Variants in ASB5 observed in about 807,000 individuals in gnomAD.
ASB5 encodes the protein ankyrin repeat and SOCS box containing 5.
In ASB5, 45 loss-of-function variants were observed where a neutral mutation model predicts 42.1. That is an observed-to-expected ratio of 1.07 (90% CI 0.84 to 1.37). The LOEUF (loss-of-function observed/expected upper bound fraction) is 1.37. Among genes scored for constraint, ASB5 ranks in the 40% most tolerant of loss-of-function variants. The pLI is 0.00. For synonymous variants in ASB5, 147 were observed against 150.6 expected, an observed-to-expected ratio of 0.98 and a Z score of 0.18; for missense variants, 402 against 399.8, an observed-to-expected ratio of 1.01 and a Z score of -0.05.
upstream of ASB5, among the ~76,000 whole-genome samples, chr4:176,272,578 T>C (rs1412418246): frequency 1.3e-5 from 2 of 152,154 alleles, no homozygotes; most frequent in Admixed American, 1.3e-4. Context: ...GGACAGACTG[T>C]ACAGCCGACC....
At chr4:176,239,269 G>A (rs1753761166) in intron 1 of ASB5, among the ~76,000 whole-genome samples, 1 of 152,084 alleles carries the variant, frequency 6.6e-6, no homozygotes, top group Admixed American at 6.6e-5. Flanking sequence ...TACAGTAAAA[G>A]TAAATTTTAA....
chr4:176,235,842 A>G (rs2126958871), intron 1 of ASB5, among the ~76,000 whole-genome samples: 1 of 149,436 alleles, frequency 6.7e-6, no homozygotes, highest in Admixed American at 6.7e-5. Flanking sequence ...TTTTTATTAT[A>G]TATTTTTTCT....
At chr4:176,253,500 C>T (rs1344725754) in intron 1 of ASB5, among the ~76,000 whole-genome samples, 1 of 152,192 alleles carries the variant, frequency 6.6e-6, no homozygotes, top group East Asian at 1.9e-4. Flanking sequence ...ATGATGCCCA[C>T]TCTCATTACT....
chr4:176,269,586 T>C (rs1186027531), upstream of ASB5, among the ~76,000 whole-genome samples: 1 of 152,214 alleles, frequency 6.6e-6, no homozygotes, highest in Non-Finnish European at 1.5e-5. Context: ...ACACAGTCCA[T>C]GGCTTGTATT....
At chr4:176,221,933 G>T (rs762493573) in intron 3 of ASB5, among the ~76,000 whole-genome samples, 2 of 152,114 alleles carry the variant, frequency 1.3e-5, no homozygotes, top group Non-Finnish European at 2.9e-5. Flanking sequence ...TGATGATGAA[G>T]TTGTAATGAA....
chr4:176,216,736 T>C (rs182525120), intron 6 of ASB5, 82 bp downstream of exon 6: 1 of 1,193,156 alleles, frequency 8.4e-7, no homozygotes, highest in Non-Finnish European at 1.2e-6. Context: ...TTACTTTCCA[T>C]GCCAACAAAA....
chr4:176,272,558 A>C (rs1180903200), upstream of ASB5, among the ~76,000 whole-genome samples: 1 of 152,090 alleles, frequency 6.6e-6, no homozygotes, highest in Non-Finnish European at 1.5e-5. Context: ...ACCTCCATGC[A>C]GGTATCAGAG....
intron 1 of ASB5, among the ~76,000 whole-genome samples, chr4:176,236,626 T>C (rs1326347678): frequency 1.3e-5 from 2 of 152,190 alleles, no homozygotes; most frequent in African/African-American, 4.8e-5. Flanking sequence ...TCATTTATAA[T>C]AACATTCTTC....
chr4:176,219,262 A>AATATATATTTGTATGATATATAAAT (rs1561250853), intron 5 of ASB5, among the ~76,000 whole-genome samples: 1 of 108,156 alleles, frequency 9.2e-6, no homozygotes, highest in South Asian at 2.8e-4. Context: ...ATGATATATA[A>AATATATATTTGTATGATATATAAAT]ATATATATTT....
chr4:176,225,409 C>A, intron 1 of ASB5, 68 bp from the exon 2 acceptor site: 1 of 1,270,462 alleles, frequency 7.9e-7, no homozygotes, highest in Non-Finnish European at 1.1e-6. Context: ...TCCCAGTAGA[C>A]ACAATCAATA....
At chr4:176,254,109 A>G (rs1279946247) in intron 1 of ASB5, among the ~76,000 whole-genome samples, 2 of 152,192 alleles carry the variant, frequency 1.3e-5, no homozygotes, top group Non-Finnish European at 2.9e-5. Flanking sequence ...AAGAGCCACA[A>G]CAATCCTAAG....
intron 1 of ASB5, among the ~76,000 whole-genome samples, chr4:176,264,043 A>G (rs1754313387): frequency 4.3e-5 from 2 of 46,090 alleles, no homozygotes; most frequent in African/African-American, 1.3e-4. Context: ...AGACTTGACA[A>G]AAAAAAAAAA....
At chr4:176,217,794 C>A (rs571331169) in intron 5 of ASB5, among the ~76,000 whole-genome samples, 8 of 152,102 alleles carry the variant, frequency 5.3e-5, no homozygotes, top group African/African-American at 1.9e-4. Context: ...TTTTCTGGTA[C>A]ATAAACGGTT....
intron 1 of ASB5, among the ~76,000 whole-genome samples, chr4:176,276,159 C>T (rs112198578): frequency 1.2e-4 from 18 of 152,286 alleles, no homozygotes; most frequent in African/African-American, 4.3e-4. Flanking sequence ...AAAGTATCTA[C>T]TTCACATGTT....
upstream of ASB5, among the ~76,000 whole-genome samples, chr4:176,271,054 G>T (rs1229671156): frequency 6.6e-6 from 1 of 152,138 alleles, no homozygotes; most frequent in East Asian, 1.9e-4. Context: ...TTTCACTAAG[G>T]CTGGAATCAT....
intron 1 of ASB5, among the ~76,000 whole-genome samples, chr4:176,254,537 CAAA>C (rs60761708): frequency 1.4e-5 from 2 of 144,246 alleles, no homozygotes; most frequent in African/African-American, 2.6e-5. Context: ...AAAGCAATTG[CAAA>C]AAAAAAAAAA....
rs1752925109 is a variant in ASB5, at chr4:176,214,922, C to G, written c.*678G>C. 3 of 151,226 alleles carry G rather than the reference C, an allele frequency of 2.0e-5. No individual in the cohort carries two copies. Among genetic ancestry groups the G allele is most frequent in the Admixed American group, 1.3e-4 (2 of 15,038 alleles). The allele number at this position is 151,226 out of a possible 1,614,324, so 9.4% of individuals were successfully genotyped here. A position where few individuals can be genotyped will look rare whatever the true frequency, so the allele number is the denominator to read the frequency against. On this transcript the variant is annotated 3_prime_UTR_variant, in exon 7 of 7. Coordinates refer to ENST00000296525, the MANE Select transcript of ASB5 (RefSeq NM_080874.4). The stretch of plus-strand genomic sequence containing the variant: ...ATAGCCTTAGAAGGTGTGTAATGTT[C>G]TAAATATCTCAGGGTGAGAGGGCAG...
upstream of ASB5, among the ~76,000 whole-genome samples, chr4:176,272,785 G>T (rs906156842): frequency 2.0e-5 from 3 of 152,068 alleles, no homozygotes; most frequent in African/African-American, 7.2e-5. Flanking sequence ...TGCATCTAGA[G>T]ATTATGGGGC....
intron 1 of ASB5, among the ~76,000 whole-genome samples, chr4:176,268,307 G>A (rs906319514): frequency 3.3e-5 from 5 of 152,132 alleles, no homozygotes; most frequent in African/African-American, 7.2e-5. Context: ...TATTAATTAT[G>A]TTTCTATCCT....
Sources: allele counts gnomAD v4.1 joint callset (sites outside exome capture counted in the v4.1 genomes callset), GRCh38; gene constraint gnomAD v4.1.1; transcripts MANE v1.5; gene names NCBI Gene and HGNC (gene_info 2026-07-23, HGNC 2026-07-21).